Variants in DGCR2 observed in about 807,000 individuals in gnomAD.
DGCR2 encodes DiGeorge syndrome critical region gene 2.
A neutral mutation model predicts 51.6 loss-of-function variants in DGCR2; 24 were observed. That is an observed-to-expected ratio of 0.47 (90% CI 0.34 to 0.65). DGCR2 has a LOEUF of 0.65. Among genes scored for constraint, DGCR2 ranks in the 30% least tolerant of loss-of-function variants. The probability of loss-of-function intolerance (pLI) is 0.01; values close to 1 mark genes in which losing one functional copy is unlikely to be tolerated. For missense variants in DGCR2, 765 were observed against 772.1 expected (o/e 0.99, Z 0.11); for synonymous variants, 340 against 315.4 (o/e 1.08, Z -0.82).
chr22:19,046,759 C>T lies in DGCR2; in HGVS notation c.1006+1681G>A, dbSNP rs1171111146. ...GCAGGGCCCAGCTAAGTCGCTCTGG[C>T]CGTGCAGGAGAGAGGGCTGCAGCTG... On this transcript the variant is annotated intron_variant, in intron 7 of 9. Coordinates refer to ENST00000263196, the MANE Select transcript of DGCR2 (RefSeq NM_005137.3). The T allele has an allele frequency of 1.1e-5, 5 of 446,184 alleles. No homozygotes were observed. The Admixed American group carries it at 1.2e-4, about 11-fold the overall frequency. 27.6% of individuals were successfully genotyped at this position (446,184 alleles called of 1,614,324 possible). A position where few individuals can be genotyped will look rare whatever the true frequency, so the allele number is the denominator to read the frequency against.
At chr22:19,075,446 C>CA (rs35578082) in intron 2 of DGCR2, among the ~76,000 whole-genome samples, 21,725 of 136,020 alleles carry the variant, frequency 0.16, 2,315 homozygotes, top group African/African-American at 0.32. Flanking sequence ...GACTCTGTCT[C>CA]AAAAAAAAAA....
chr22:19,084,137 A>G (rs1024808835), intron 2 of DGCR2, among the ~76,000 whole-genome samples: 3 of 151,994 alleles, frequency 2.0e-5, no homozygotes, highest in Non-Finnish European at 2.9e-5. Context: ...CTGCCCGGCC[A>G]CCACCCCGTC....
chr22:19,087,672 A>AC (rs34432116), intron 2 of DGCR2, among the ~76,000 whole-genome samples: 5 of 138,034 alleles, frequency 3.6e-5, no homozygotes, highest in African/African-American at 1.4e-4. Flanking sequence ...GAGCCACTGC[A>AC]CCTGGCTTTT....
At chr22:19,115,407 A>G (rs375590778) in intron 1 of DGCR2, among the ~76,000 whole-genome samples, 2 of 152,116 alleles carry the variant, frequency 1.3e-5, no homozygotes, top group Non-Finnish European at 2.9e-5. Flanking sequence ...CCATCACAGA[A>G]GCAAGCTCCT....
At chr22:19,115,894 T>C (rs2083368306) in intron 1 of DGCR2, among the ~76,000 whole-genome samples, 1 of 152,194 alleles carries the variant, frequency 6.6e-6, no homozygotes, top group South Asian at 2.1e-4. Flanking sequence ...ACAAACCACC[T>C]CACATTTCAC....
At chr22:19,052,142 C>T (rs1471541889) in intron 6 of DGCR2, among the ~76,000 whole-genome samples, 1 of 152,126 alleles carries the variant, frequency 6.6e-6, no homozygotes, top group Non-Finnish European at 1.5e-5. Flanking sequence ...TGCAGCCAGG[C>T]GTGGTGGCTC....
At chr22:19,056,484 A>T in intron 6 of DGCR2, 1 of 539,618 alleles carries the variant, frequency 1.9e-6, no homozygotes, top group Non-Finnish European at 3.4e-6. Flanking sequence ...GTGAAGAGGA[A>T]GGGGACCTGC....
At position 19,036,550 on chromosome 22, in the gene DGCR2, G is replaced by C. The variant is rs564342459; in HGVS notation, c.*2315C>G. On this transcript the variant is annotated 3_prime_UTR_variant, in exon 10 of 10. Transcript: ENST00000263196. ...GCAAGGGTGACCCCGGGACTTGCTG[G>C]TCAGACTGGGGACTGCAGCAGGCCT... 3 of 152,528 alleles carry C rather than the reference G, an allele frequency of 2.0e-5. No homozygotes were observed. The East Asian group carries it at 5.8e-4, about 29-fold the overall frequency. The allele number at this position is 152,528 out of a possible 1,614,324, so 9.4% of individuals were successfully genotyped here. A position where few individuals can be genotyped will look rare whatever the true frequency, so the allele number is the denominator to read the frequency against.
At chr22:19,064,075 C>T (rs780058184) in intron 4 of DGCR2, among the ~76,000 whole-genome samples, 6 of 152,178 alleles carry the variant, frequency 3.9e-5, no homozygotes, top group Non-Finnish European at 7.4e-5. Context: ...TCTGGCTGAC[C>T]GCCATAAGCT....
At chr22:19,100,391 C>T (rs114218787) in intron 1 of DGCR2, among the ~76,000 whole-genome samples, 101 of 152,292 alleles carry the variant, frequency 6.6e-4, no homozygotes, top group African/African-American at 2.4e-3. Context: ...TCCTCTTAGC[C>T]AATGGATTGT....
chr22:19,050,884 C>A (rs954330275), intron 6 of DGCR2, among the ~76,000 whole-genome samples: 6 of 152,014 alleles, frequency 3.9e-5, no homozygotes, highest in African/African-American at 1.4e-4. Context: ...GACTTGACAC[C>A]AAAAGAATAA....
At chr22:19,120,836 GT>G (rs1386431441) in intron 1 of DGCR2, among the ~76,000 whole-genome samples, 2 of 152,150 alleles carry the variant, frequency 1.3e-5, no homozygotes, top group African/African-American at 4.8e-5. Flanking sequence ...TCCTCCACAG[GT>G]AGCCCTTTTC....
intron 1 of DGCR2, among the ~76,000 whole-genome samples, chr22:19,102,570 C>G (rs368792550): frequency 6.6e-6 from 1 of 151,978 alleles, no homozygotes; most frequent in Admixed American, 6.6e-5. Flanking sequence ...GGCATGGTGG[C>G]GGGCACCTGT....
chr22:19,065,063 G>C lies in DGCR2; in HGVS notation c.333C>G (p.Phe111Leu). 6.2e-7 allele frequency: 1 copy of C among 1,613,714 alleles called. No individual in the cohort carries two copies. ...NVAQPVRFSSFLGKCPTGWHH... is the reference protein window; with the variant it reads ...NVAQPVRFSSLLGKCPTGWHH... ...GCCACCCTGTCGGGCACTTCCCTAG[G>C]AAACATAAAGGACAGAAGGGGAGTT... The change falls in exon 4 of 10, where the codon TTC becomes TTG. Residue 111 changes from phenylalanine (F) to leucine (L), a missense_variant. By Grantham distance (22) the Phe-to-Leu change is conservative. Around this residue, in one of 3 missense-constraint regions of DGCR2, gnomAD observed 370 missense variants for 325.5 expected, o/e 1.14. Transcript: ENST00000263196.
At chr22:19,056,602 A>G (rs1480886472) in intron 6 of DGCR2, 5 of 371,404 alleles carry the variant, frequency 1.3e-5, no homozygotes, top group East Asian at 1.1e-4. Flanking sequence ...TAAACAGAGA[A>G]GCAGAGAAGC....
chr22:19,068,320 G>C (rs994889374), intron 2 of DGCR2, 95 bp from the exon 3 acceptor site: 1 of 1,363,626 alleles, frequency 7.3e-7, no homozygotes, highest in Non-Finnish European at 9.5e-7. Flanking sequence ...CTGCAAGGCC[G>C]GAGGGGGGGC....
intron 1 of DGCR2, among the ~76,000 whole-genome samples, chr22:19,121,011 T>C (rs1303389557): frequency 6.6e-6 from 1 of 152,150 alleles, no homozygotes; most frequent in African/African-American, 2.4e-5. Context: ...AGGCAGGCAC[T>C]AGGGAGGAGG....
chr22:19,082,708 C>A (rs1456438490), intron 2 of DGCR2, among the ~76,000 whole-genome samples: 1 of 151,756 alleles, frequency 6.6e-6, no homozygotes. Flanking sequence ...TGAGATCGCA[C>A]CACTGCACTC....
At chr22:19,067,889 C>T (rs779004839) in intron 3 of DGCR2, among the ~76,000 whole-genome samples, 1 of 152,168 alleles carries the variant, frequency 6.6e-6, no homozygotes. Flanking sequence ...GCCTCAGAGC[C>T]GGTTGACTTC....
Sources: allele counts gnomAD v4.1 joint callset (sites outside exome capture counted in the v4.1 genomes callset), GRCh38; gene constraint gnomAD v4.1.1; regional missense constraint gnomAD v4.1.1; transcripts MANE v1.5; gene names NCBI Gene and HGNC (gene_info 2026-07-23, HGNC 2026-07-21).